COL23A1: variants seen among roughly 807,000 people sequenced by gnomAD.
The protein encoded by COL23A1 is collagen alpha-1(XXIII) chain.
A neutral mutation model predicts 99.3 loss-of-function variants in COL23A1; 97 were observed. The observed-to-expected ratio is 0.98, with a 90% CI of 0.83 to 1.16. The LOEUF (loss-of-function observed/expected upper bound fraction) is 1.16. COL23A1 is among the 50% of genes most tolerant of loss of function. The pLI, the probability that COL23A1 is intolerant of heterozygous loss-of-function variation, is 0.00. For synonymous variants in COL23A1, 320 were observed against 308.2 expected (o/e 1.04, Z -0.40); for missense variants, 762 against 757.4 (o/e 1.01, Z -0.07).
chr5:178,495,272 G>GAGGC (rs1758139101), intron 2 of COL23A1, among the ~76,000 whole-genome samples: 1 of 152,222 alleles, frequency 6.6e-6, no homozygotes, highest in Admixed American at 6.5e-5. Flanking sequence ...TGGGACTAGT[G>GAGGC]AGGCCATGAT....
Position 178,530,290 on chromosome 5 carries a change from G to A in COL23A1, c.361+30392C>T, listed in dbSNP as rs552787609. 1.4e-4 allele frequency among the ~76,000 whole-genome samples: 22 copies of A among 152,186 alleles called. 1 individual carries two copies. In the South Asian group the frequency reaches 2.5e-3, roughly 17 times the overall value. ...AGCCTGAGCAATATGGCAAGACTCCGTCTCTGCTAAAAATAAAAAAGATTA... is the reference window on the plus strand; with the variant it reads ...AGCCTGAGCAATATGGCAAGACTCCATCTCTGCTAAAAATAAAAAAGATTA... On this transcript the variant is annotated intron_variant, in intron 2 of 28. Transcript: ENST00000390654.
In COL23A1 at chr5:178,589,194, C is replaced by G. The variant is rs1764142942; in HGVS notation, c.294+710G>C. ...GAGCTTTCAAGTAAGCTGTGGAAGT[C>G]GCGATTCCCAGGTAAGGGACGGGAA... On this transcript the variant is annotated intron_variant, in intron 1 of 28. Coordinates refer to ENST00000390654, the MANE Select transcript of COL23A1 (RefSeq NM_173465.4). This position sits in a 1 kb window ranked among gnomAD's most constrained non-coding sequence, Gnocchi z 5.4. 6.6e-6 allele frequency among the ~76,000 whole-genome samples: 1 copy of G among 152,312 alleles called. No homozygotes were observed. Among genetic ancestry groups the G allele is most frequent in the East Asian group, 1.9e-4 (1 of 5,180 alleles).
intron 2 of COL23A1, among the ~76,000 whole-genome samples, chr5:178,559,562 C>T (rs866871176): frequency 5.9e-5 from 8 of 134,888 alleles, no homozygotes; most frequent in African/African-American, 3.1e-5. Flanking sequence ...GTCGAGAAGT[C>T]TGAGACACAT....
intron 2 of COL23A1, among the ~76,000 whole-genome samples, chr5:178,316,027 A>T (rs1247597723): frequency 5.9e-5 from 9 of 152,186 alleles, no homozygotes; most frequent in Non-Finnish European, 1.2e-4. Flanking sequence ...AAACTGTGTT[A>T]AATTTTTTTT....
In COL23A1 at chr5:178,249,125, C is replaced by T. The variant is rs369829938; in HGVS notation, c.1141G>A (p.Gly381Ser). Residue 381 changes from glycine (G) to serine (S), a missense_variant, in exon 19 of 29, where the codon GGC becomes AGC. By Grantham distance (56) the Gly-to-Ser change is moderately conservative. Transcript: ENST00000390654. ...CCAACCCAGCCACATACCGGGAGGC[C>T]GGACAAGCCCATCTCGCCTGCTTCC... is the stretch of plus-strand genomic sequence containing the variant. Reference protein sequence around the residue: ...KGEAGEMGLSGLPGADGLKGE... With the variant: ...KGEAGEMGLSSLPGADGLKGE... 2.5e-5 allele frequency: 41 copies of T among 1,614,142 alleles called. No individual in the cohort carries two copies. The highest frequency in any genetic ancestry group is 4.0e-5 in the African/African-American group (3 of 75,036).
chr5:178,510,448 A>G (rs1249240241), intron 2 of COL23A1, among the ~76,000 whole-genome samples: 1 of 152,212 alleles, frequency 6.6e-6, no homozygotes, highest in Non-Finnish European at 1.5e-5. Context: ...AGGTTGAGGC[A>G]TGAGAATCAC....
intron 2 of COL23A1, among the ~76,000 whole-genome samples, chr5:178,526,157 G>C (rs536028316): frequency 3.3e-5 from 5 of 152,350 alleles, no homozygotes; most frequent in Admixed American, 3.3e-4. Context: ...ATGTGGGAGA[G>C]AGTAGGCCCT....
At chr5:178,399,965 T>TG (rs1479199696) in intron 2 of COL23A1, among the ~76,000 whole-genome samples, 1 of 152,218 alleles carries the variant, frequency 6.6e-6, no homozygotes, top group Non-Finnish European at 1.5e-5. Context: ...GGCACTGTGC[T>TG]GGGGCACAGT....
chr5:178,494,107 G>T (rs148976874), intron 2 of COL23A1, among the ~76,000 whole-genome samples: 65 of 152,332 alleles, frequency 4.3e-4, no homozygotes, highest in African/African-American at 1.4e-3. Flanking sequence ...TTAGGCAGGG[G>T]TGAACATTAT....
At chr5:178,430,092 G>A (rs893234575) in intron 2 of COL23A1, among the ~76,000 whole-genome samples, 1 of 152,176 alleles carries the variant, frequency 6.6e-6, no homozygotes, top group East Asian at 1.9e-4. Context: ...AAAGACCCAC[G>A]TGCCTCAGCC....
chr5:178,250,926 C>T (rs2127538091), intron 17 of COL23A1, among the ~76,000 whole-genome samples: 1 of 136,728 alleles, frequency 7.3e-6, no homozygotes, highest in Non-Finnish European at 1.5e-5. Flanking sequence ...TTGCAGTGAG[C>T]TGAGATGGTG....
intron 1 of COL23A1, among the ~76,000 whole-genome samples, chr5:178,576,642 C>T (rs115772664): frequency 0.036 from 5,424 of 152,254 alleles, 331 homozygotes; most frequent in African/African-American, 0.12. Context: ...CGGGGACAGG[C>T]GCGGGGTCGT....
rs559870588 is a variant in COL23A1, at chr5:178,475,028, T to G, written c.361+85654A>C. On this transcript the variant is annotated intron_variant, in intron 2 of 28. Coordinates refer to ENST00000390654, the MANE Select transcript of COL23A1 (RefSeq NM_173465.4). Reference sequence around the variant, plus strand: ...TTCCTTGGCTTTGTAGATCCATCACTGCAATTTCTGCCTTCACAGTCACAT... The same window carrying G: ...TTCCTTGGCTTTGTAGATCCATCACGGCAATTTCTGCCTTCACAGTCACAT... Among the ~76,000 whole-genome samples the G allele has an allele frequency of 2.0e-5, 3 of 152,308 alleles. No individual in the cohort carries two copies. The South Asian group carries it at 6.2e-4, about 32-fold the overall frequency.
intron 2 of COL23A1, among the ~76,000 whole-genome samples, chr5:178,367,259 A>G (rs979467847): frequency 1.3e-5 from 2 of 152,060 alleles, no homozygotes; most frequent in Non-Finnish European, 2.9e-5. Flanking sequence ...CGCTTAGTGC[A>G]TTTTCTATCA....
At position 178,538,368 on chromosome 5, in the gene COL23A1, G is replaced by A. The variant is rs575784718; in HGVS notation, c.361+22314C>T. On this transcript the variant is annotated intron_variant, in intron 2 of 28. Transcript: ENST00000390654. ...ACGCTTTTATAAAATACACTAAAAT[G>A]ATGGGGTAGAAAAATGAAATTTAAA... Among the ~76,000 whole-genome samples the A allele has an allele frequency of 2.1e-4, 32 of 152,292 alleles. 2 individuals are homozygous for A. The South Asian group carries it at 5.2e-3, about 25-fold the overall frequency.
At chr5:178,381,876 T>A (rs1223216817) in intron 2 of COL23A1, among the ~76,000 whole-genome samples, 1 of 152,160 alleles carries the variant, frequency 6.6e-6, no homozygotes, top group Non-Finnish European at 1.5e-5. Context: ...GCTCAAACCA[T>A]CCTTCCGCCT....
intron 1 of COL23A1, among the ~76,000 whole-genome samples, chr5:178,584,319 C>CACAT (rs1262598029): frequency 6.6e-6 from 1 of 150,420 alleles, no homozygotes; most frequent in Non-Finnish European, 1.5e-5. Flanking sequence ...CACACACACA[C>CACAT]ACACACACAC....
At chr5:178,332,591 G>A (rs1178854725) in intron 2 of COL23A1, among the ~76,000 whole-genome samples, 2 of 152,076 alleles carry the variant, frequency 1.3e-5, no homozygotes, top group East Asian at 1.9e-4. Flanking sequence ...TTCAAACTCC[G>A]CTGCCTACAG....
intron 3 of COL23A1, among the ~76,000 whole-genome samples, chr5:178,291,667 A>C (rs890744073): frequency 6.6e-6 from 1 of 151,996 alleles, no homozygotes; most frequent in African/African-American, 2.4e-5. Flanking sequence ...AGGGCTCTGC[A>C]AGGAGGAGCG....
Sources: gnomAD v4.1 joint callset for allele counts (sites outside exome capture counted in the v4.1 genomes callset) on GRCh38, gnomAD v4.1.1 for gene constraint, Gnocchi (gnomAD v3.1) non-coding constraint, MANE v1.5 for transcripts, NCBI Gene and HGNC (gene_info 2026-07-23, HGNC 2026-07-21) for gene names.